Variants in KIRREL3 observed in about 807,000 individuals in gnomAD.
The protein encoded by KIRREL3 is kirre like nephrin family adhesion molecule 3, also known as kin of IRRE-like protein 3.
In KIRREL3, 36 loss-of-function variants were observed where a neutral mutation model predicts 89.7. The ratio of observed to expected loss-of-function variants is 0.40; its 90% CI spans 0.31 to 0.53. KIRREL3 has a LOEUF of 0.53. KIRREL3 is among the 20% of genes least tolerant of loss of function. The pLI is 0.49. For synonymous variants in KIRREL3, 445 were observed against 441.4 expected (o/e 1.01, Z -0.10); for missense variants, 864 against 1,056.6 (o/e 0.82, Z 2.53).
rs1198088187 is a variant in KIRREL3, at chr11:126,703,742, C to A, written c.56-140830G>T. 2.6e-5 allele frequency among the ~76,000 whole-genome samples: 4 copies of A among 152,172 alleles called. No homozygotes were observed. The highest frequency in any genetic ancestry group is 4.4e-5 in the Non-Finnish European group (3 of 68,026). On this transcript the variant is annotated intron_variant, in intron 1 of 16. Coordinates refer to ENST00000525144, the MANE Select transcript of KIRREL3 (RefSeq NM_032531.4). This position sits in a 1 kb window ranked among gnomAD's most constrained non-coding sequence, Gnocchi z 4.6. ...GACTGCCTGGGCCAGTGTTTCCGTGCCAGAAACCCTGTCTCAGAGGGCAGG... is the reference window on the plus strand; with the variant it reads ...GACTGCCTGGGCCAGTGTTTCCGTGACAGAAACCCTGTCTCAGAGGGCAGG...
intron 4 of KIRREL3, among the ~76,000 whole-genome samples, chr11:126,482,508 A>G (rs1337125988): frequency 6.6e-6 from 1 of 152,232 alleles, no homozygotes; most frequent in Non-Finnish European, 1.5e-5. Context: ...TTCACTGTAT[A>G]GTTGCCAGGG....
At chr11:126,777,187 G>A (rs1950193114) in intron 1 of KIRREL3, among the ~76,000 whole-genome samples, 1 of 152,092 alleles carries the variant, frequency 6.6e-6, no homozygotes, top group Admixed American at 6.5e-5. Context: ...CATGACCGAG[G>A]GATGCTATTG....
In KIRREL3 at chr11:126,606,379, G is replaced by A. The variant is rs1375148612; in HGVS notation, c.56-43467C>T. Among the ~76,000 whole-genome samples the A allele has an allele frequency of 3.9e-5, 6 of 152,130 alleles. No homozygotes were observed. The highest frequency in any genetic ancestry group is 1.9e-4 in the East Asian group (1 of 5,188). On this transcript the variant is annotated intron_variant, in intron 1 of 16. Transcript: ENST00000525144. The surrounding 1 kb of genome is among the most constrained non-coding windows in gnomAD (Gnocchi z 4.6). ...TTCAGTTTCCAAGTCTGTAAAATAC[G>A]GGGAAATAATACCTAACTCATGGAG...
intron 1 of KIRREL3, among the ~76,000 whole-genome samples, chr11:126,762,746 T>C (rs1949704141): frequency 6.6e-6 from 1 of 152,300 alleles, no homozygotes; most frequent in Middle Eastern, 3.4e-3. Context: ...CACATGGCCC[T>C]CAATGGAGAC....
chr11:126,927,247 C>T (rs919947039), intron 1 of KIRREL3, among the ~76,000 whole-genome samples: 20 of 152,284 alleles, frequency 1.3e-4, no homozygotes, highest in South Asian at 2.1e-4. Context: ...CACACACGCA[C>T]GCACGCACAT....
At position 126,435,854 on chromosome 11, in the gene KIRREL3, C is replaced by T. The variant is rs549498651; in HGVS notation, c.1553-551G>A. Among the ~76,000 whole-genome samples, 7 of 152,230 alleles carry T rather than the reference C, an allele frequency of 4.6e-5. No individual in the cohort carries two copies. In the South Asian group the frequency reaches 1.2e-3, roughly 27 times the overall value. ...AATGGACCTTTACCTAAGAGGGTGTCAGAGATCGTCAGGACTGAGGCCTCC... is the reference window on the plus strand; with the variant it reads ...AATGGACCTTTACCTAAGAGGGTGTTAGAGATCGTCAGGACTGAGGCCTCC... On this transcript the variant is annotated intron_variant, in intron 12 of 16. Transcript: ENST00000525144.
Position 126,783,121 on chromosome 11 carries a change from C to T in KIRREL3, c.55+217334G>A, listed in dbSNP as rs1592121813. 1.3e-5 allele frequency among the ~76,000 whole-genome samples: 2 copies of T among 152,178 alleles called. No individual in the cohort carries two copies. The highest frequency in any genetic ancestry group is 1.9e-4 in the East Asian group (1 of 5,192). ...TTCTCTCACAGTTCCGGAGAATGCA[C>T]GTTTAAAAATTAAGGTGTCTGCAGA... On this transcript the variant is annotated intron_variant, in intron 1 of 16. Transcript: ENST00000525144. This position sits in a 1 kb window ranked among gnomAD's most constrained non-coding sequence, Gnocchi z 4.3.
intron 1 of KIRREL3, among the ~76,000 whole-genome samples, chr11:126,815,636 C>T (rs1404586997): frequency 6.6e-6 from 1 of 152,160 alleles, no homozygotes; most frequent in East Asian, 1.9e-4. Flanking sequence ...CACGTTCACG[C>T]CATTCTCCTG....
chr11:126,533,492 T>C (rs1367659600), intron 2 of KIRREL3, among the ~76,000 whole-genome samples: 2 of 152,250 alleles, frequency 1.3e-5, no homozygotes, highest in African/African-American at 2.4e-5. Flanking sequence ...CACAGTTCTC[T>C]GGGTGGATCA....
rs1035993813 is a variant in KIRREL3, at chr11:126,719,415, C to T, written c.56-156503G>A. ...TAGTTCCTCCCCATCTCTATTATTC[C>T]CAAATGTTGGAGGACCTCAGGGCTT... On this transcript the variant is annotated intron_variant, in intron 1 of 16. Transcript: ENST00000525144. This position sits in a 1 kb window ranked among gnomAD's most constrained non-coding sequence, Gnocchi z 4.7. Among the ~76,000 whole-genome samples, 10 of 152,150 alleles carry T rather than the reference C, an allele frequency of 6.6e-5. No individual in the cohort carries two copies. The highest frequency in any genetic ancestry group is 3.8e-4 in the East Asian group (2 of 5,200).
chr11:126,485,568 T>C lies in KIRREL3; in HGVS notation c.434-12102A>G, dbSNP rs928628918. 3.3e-5 allele frequency among the ~76,000 whole-genome samples: 5 copies of C among 152,234 alleles called. No individual in the cohort carries two copies. Among genetic ancestry groups the C allele is most frequent in the South Asian group, 2.1e-4 (1 of 4,834 alleles). On this transcript the variant is annotated intron_variant, in intron 4 of 16. Transcript: ENST00000525144. This position sits in a 1 kb window ranked among gnomAD's most constrained non-coding sequence, Gnocchi z 5.8. Reference sequence around the variant, plus strand: ...CTGGTGTGCTGTTTAAATGAGTTCATGTAAGAGTTATGCAGTGTCTTGTCC... The same window carrying C: ...CTGGTGTGCTGTTTAAATGAGTTCACGTAAGAGTTATGCAGTGTCTTGTCC...
rs1940879046 is a variant in KIRREL3 at position 126,570,890 on chromosome 11, G to A, written c.56-7978C>T. On this transcript the variant is annotated intron_variant, in intron 1 of 16. Coordinates refer to ENST00000525144, the MANE Select transcript of KIRREL3 (RefSeq NM_032531.4). The surrounding 1 kb of genome is among the most constrained non-coding windows in gnomAD (Gnocchi z 6.1). ...TCTGTACATCTCAGGTGGGAAAAAAGACAGCAGTCATTTGCTGAGCTGCAA... is the reference window on the plus strand; with the variant it reads ...TCTGTACATCTCAGGTGGGAAAAAAAACAGCAGTCATTTGCTGAGCTGCAA... Among the ~76,000 whole-genome samples, 2 of 152,162 alleles carry A rather than the reference G, an allele frequency of 1.3e-5. No homozygotes were observed. Among genetic ancestry groups the A allele is most frequent in the Non-Finnish European group, 2.9e-5 (2 of 68,030 alleles).
Position 126,844,796 on chromosome 11 carries a change from G to T in KIRREL3, c.55+155659C>A, listed in dbSNP as rs186795624. ...GGGTGACAGAGTTAAGCATGTATAG[G>T]ATCTTGGGACATGGGGAGCTTTTTC... is the stretch of plus-strand genomic sequence containing the variant. On this transcript the variant is annotated intron_variant, in intron 1 of 16. Coordinates refer to ENST00000525144, the MANE Select transcript of KIRREL3 (RefSeq NM_032531.4). This position sits in a 1 kb window ranked among gnomAD's most constrained non-coding sequence, Gnocchi z 4.8. Among the ~76,000 whole-genome samples the T allele has an allele frequency of 3.9e-5, 6 of 152,250 alleles. No individual in the cohort carries two copies. Among genetic ancestry groups the T allele is most frequent in the African/African-American group, 7.2e-5 (3 of 41,548 alleles).
chr11:126,524,917 G>T (rs1958702152), intron 3 of KIRREL3, among the ~76,000 whole-genome samples: 1 of 152,136 alleles, frequency 6.6e-6, no homozygotes, highest in Non-Finnish European at 1.5e-5. Context: ...CTATTTTTGG[G>T]ACAAGTGACA....
Position 126,999,832 on chromosome 11 carries a change from C to T in KIRREL3, c.55+623G>A, listed in dbSNP as rs1022573964. The stretch of plus-strand genomic sequence containing the variant: ...CACGGGCGAAATTTCATTTTATACC[C>T]TGAATTCAGTGCTGTGTAGGATTCA... On this transcript the variant is annotated intron_variant, in intron 1 of 16. Coordinates refer to ENST00000525144, the MANE Select transcript of KIRREL3 (RefSeq NM_032531.4). This position sits in a 1 kb window ranked among gnomAD's most constrained non-coding sequence, Gnocchi z 5.7. Among the ~76,000 whole-genome samples the T allele has an allele frequency of 1.3e-5, 2 of 152,196 alleles. No individual in the cohort carries two copies. Among genetic ancestry groups the T allele is most frequent in the African/African-American group, 4.8e-5 (2 of 41,450 alleles).
rs114073962 is a variant in KIRREL3, at chr11:126,643,512, A to T, written c.56-80600T>A. Among the ~76,000 whole-genome samples the T allele has an allele frequency of 6.0e-3, 918 of 152,308 alleles. 12 individuals carry two copies. Among genetic ancestry groups the T allele is most frequent in the African/African-American group, 0.021 (874 of 41,568 alleles). On this transcript the variant is annotated intron_variant, in intron 1 of 16. Coordinates refer to ENST00000525144, the MANE Select transcript of KIRREL3 (RefSeq NM_032531.4). The surrounding 1 kb of genome is among the most constrained non-coding windows in gnomAD (Gnocchi z 4.5). ...GGTCATGGTTCAGGGAAAGGTGACT[A>T]GTGGGAAATAGGACTGAAGATGTAG...
Position 126,554,649 on chromosome 11 carries a change from G to A in KIRREL3, c.133+8186C>T, listed in dbSNP as rs1021825404. ...TGCAAACACTGTGTTGGGCTCCTGG[G>A]ATCTAATGGAGACCAAACAGAGCCA... On this transcript the variant is annotated intron_variant, in intron 2 of 16. Transcript: ENST00000525144. 6.6e-5 allele frequency among the ~76,000 whole-genome samples: 10 copies of A among 152,298 alleles called. 1 individual carries two copies. Among genetic ancestry groups the A allele is most frequent in the Admixed American group, 6.5e-4 (10 of 15,298 alleles).
chr11:126,602,561 G>A (rs1162407664), intron 1 of KIRREL3, among the ~76,000 whole-genome samples: 1 of 152,220 alleles, frequency 6.6e-6, no homozygotes, highest in Admixed American at 6.5e-5. Flanking sequence ...ACACAGCTAG[G>A]AAGTGACATA....
rs1943709458 is a variant in KIRREL3, at chr11:126,624,702, G to A, written c.56-61790C>T. ...GGATGTTAATGGAGACAAATATTGT[G>A]GCTGTGATTTTTCAAAGGGCTGAGT... On this transcript the variant is annotated intron_variant, in intron 1 of 16. Coordinates refer to ENST00000525144, the MANE Select transcript of KIRREL3 (RefSeq NM_032531.4). The surrounding 1 kb of genome is among the most constrained non-coding windows in gnomAD (Gnocchi z 6.0). Among the ~76,000 whole-genome samples the A allele has an allele frequency of 6.6e-6, 1 of 152,184 alleles. No individual in the cohort carries two copies. Among genetic ancestry groups the A allele is most frequent in the Admixed American group, 6.5e-5 (1 of 15,286 alleles).
Sources: gnomAD v4.1 joint callset for allele counts (sites outside exome capture counted in the v4.1 genomes callset) on GRCh38, gnomAD v4.1.1 for gene constraint, Gnocchi (gnomAD v3.1) non-coding constraint, MANE v1.5 for transcripts, NCBI Gene and HGNC (gene_info 2026-07-23, HGNC 2026-07-21) for gene names.